GLIS3: variants seen among roughly 807,000 people sequenced by gnomAD.
GLIS3 encodes the protein zinc finger protein GLIS3.
Under a neutral mutation model 78.6 loss-of-function variants are expected in GLIS3, and 53 were observed. That is an observed-to-expected ratio of 0.67 (90% CI 0.54 to 0.85). The LOEUF is 0.85. Ranked by LOEUF, GLIS3 falls within the 40% of genes least tolerant of loss-of-function variation. GLIS3 has a pLI of 0.00. For missense variants in GLIS3, 1,703 were observed against 1,231.1 expected (o/e 1.38, Z -5.74); for synonymous variants, 684 against 509.9 (o/e 1.34, Z -4.60).
intron 4 of GLIS3, among the ~76,000 whole-genome samples, chr9:4,068,505 T>G (rs764523559): frequency 4.9e-4 from 74 of 152,202 alleles, no homozygotes; most frequent in Non-Finnish European, 4.9e-4. Context: ...TAAAATGTGT[T>G]TGAGCAGTGA....
chr9:4,228,907 A>C (rs1341959722), intron 2 of GLIS3, among the ~76,000 whole-genome samples: 1 of 152,240 alleles, frequency 6.6e-6, no homozygotes, highest in Non-Finnish European at 1.5e-5. Context: ...AAGAGGGTTC[A>C]TCCTACTCTA....
At chr9:3,893,356 T>G (rs1157622273) in intron 7 of GLIS3, among the ~76,000 whole-genome samples, 4 of 152,154 alleles carry the variant, frequency 2.6e-5, no homozygotes, top group African/African-American at 9.7e-5. Flanking sequence ...AAGCACCAAA[T>G]TAAGCAGCCT....
At chr9:4,272,312 A>G (rs1331621764) in intron 2 of GLIS3, among the ~76,000 whole-genome samples, 2 of 152,162 alleles carry the variant, frequency 1.3e-5, no homozygotes, top group East Asian at 3.9e-4. Context: ...ACCACCACAC[A>G]TAGTAGAAAT....
At chr9:3,914,007 G>A (rs527502688) in intron 6 of GLIS3, among the ~76,000 whole-genome samples, 2 of 152,240 alleles carry the variant, frequency 1.3e-5, no homozygotes, top group African/African-American at 4.8e-5. Context: ...ATGAAATCAC[G>A]TCACATGCAA....
chr9:3,868,580 C>T (rs926767768), intron 8 of GLIS3, among the ~76,000 whole-genome samples: 1 of 152,130 alleles, frequency 6.6e-6, no homozygotes, highest in African/African-American at 2.4e-5. Context: ...TTTTTCAATT[C>T]TTTGTCTTTT....
At chr9:3,940,452 A>G (rs973135247) in intron 4 of GLIS3, among the ~76,000 whole-genome samples, 8 of 152,166 alleles carry the variant, frequency 5.3e-5, no homozygotes, top group African/African-American at 1.9e-4. Context: ...AAAACTGTCA[A>G]CTAATGCTTG....
intron 2 of GLIS3, among the ~76,000 whole-genome samples, chr9:4,195,210 C>T (rs1182038028): frequency 1.3e-5 from 2 of 152,226 alleles, no homozygotes; most frequent in East Asian, 1.9e-4. Flanking sequence ...GCTTGAGGAG[C>T]CCTTCAGCCC....
chr9:3,933,415 A>C (rs1029025479), intron 5 of GLIS3, among the ~76,000 whole-genome samples: 2 of 152,328 alleles, frequency 1.3e-5, no homozygotes, highest in Middle Eastern at 6.8e-3. Flanking sequence ...ACATCCATTC[A>C]CATTTCAGCA....
the GLIS3 span, among the ~76,000 whole-genome samples, chr9:4,390,211 C>T: frequency 5.3e-5 from 8 of 152,276 alleles, no homozygotes; most frequent in African/African-American, 1.7e-4. Context: ...AAGCAGCAGC[C>T]GCAGCTGAAG....
chr9:4,354,538 C>G, the GLIS3 span, among the ~76,000 whole-genome samples: 1 of 152,202 alleles, frequency 6.6e-6, no homozygotes, highest in Non-Finnish European at 1.5e-5. Flanking sequence ...CCAGAATCCA[C>G]GTGACCCATC....
intron 2 of GLIS3, among the ~76,000 whole-genome samples, chr9:4,320,745 A>T (rs1410071909): frequency 1.3e-5 from 2 of 152,102 alleles, no homozygotes; most frequent in African/African-American, 4.8e-5. Context: ...AACCATCACC[A>T]TCATTATCAC....
chr9:3,856,683 C>G (rs141130607), intron 8 of GLIS3, among the ~76,000 whole-genome samples: 49 of 152,292 alleles, frequency 3.2e-4, no homozygotes, highest in African/African-American at 1.2e-3. Context: ...ATCCTATTCT[C>G]TTTGAACAAT....
chr9:3,934,481 C>T (rs368117517), intron 5 of GLIS3, among the ~76,000 whole-genome samples: 18 of 150,854 alleles, frequency 1.2e-4, no homozygotes, highest in African/African-American at 4.4e-4. Context: ...ACAATCTCGG[C>T]TCACTGCAAC....
intron 2 of GLIS3, among the ~76,000 whole-genome samples, chr9:4,130,346 C>G (rs1407897613): frequency 6.6e-6 from 1 of 152,236 alleles, no homozygotes; most frequent in East Asian, 1.9e-4. Flanking sequence ...ACAGCCAAGA[C>G]AATGGGGGAA....
chr9:3,934,704 C>A (rs1453086490), intron 5 of GLIS3, among the ~76,000 whole-genome samples: 1 of 152,174 alleles, frequency 6.6e-6, no homozygotes, highest in Non-Finnish European at 1.5e-5. Context: ...CCACCGTGCC[C>A]AGCCTTCTGT....
In GLIS3 at chr9:3,824,872, C is replaced by T. The variant is rs1817641788; in HGVS notation, c.*3400G>A. 1 of 148,938 alleles carries T rather than the reference C, an allele frequency of 6.7e-6. No individual in the cohort carries two copies. The allele number at this position is 148,938 out of a possible 1,614,324, so 9.2% of individuals were successfully genotyped here. A position where few individuals can be genotyped will look rare whatever the true frequency, so the allele number is the denominator to read the frequency against. On this transcript the variant is annotated 3_prime_UTR_variant, in exon 11 of 11. Coordinates refer to ENST00000381971, the MANE Select transcript of GLIS3 (RefSeq NM_001042413.2). The stretch of plus-strand genomic sequence containing the variant: ...TGTACAAAATAAATCTCTTTTTACA[C>T]TCACTATTTCTCCAATGAGTGCTTT...
At chr9:3,991,012 TAGGGTTAAGGAA>T (rs1820189617) in intron 4 of GLIS3, among the ~76,000 whole-genome samples, 1 of 152,104 alleles carries the variant, frequency 6.6e-6, no homozygotes, top group Admixed American at 6.6e-5. Context: ...TGACAAAAAT[TAGGGTTAAGGAA>T]CTTGACAAGC....
chr9:4,328,783 G>T (rs1817639516), intron 2 of GLIS3, among the ~76,000 whole-genome samples: 1 of 152,188 alleles, frequency 6.6e-6, no homozygotes, highest in African/African-American at 2.4e-5. Flanking sequence ...ACCAGGTGTT[G>T]CGAGGACTGA....
intron 2 of GLIS3, among the ~76,000 whole-genome samples, chr9:4,215,084 A>T (rs1217499728): frequency 6.6e-6 from 1 of 152,186 alleles, no homozygotes; most frequent in African/African-American, 2.4e-5. Flanking sequence ...GAGATTCACA[A>T]AGAGTGGAGC....
Sources: gnomAD v4.1 joint callset for allele counts (sites outside exome capture counted in the v4.1 genomes callset) on GRCh38, gnomAD v4.1.1 for gene constraint, MANE v1.5 for transcripts, NCBI Gene and HGNC (gene_info 2026-07-23, HGNC 2026-07-21) for gene names.